The following C6 variants were observed in gnomAD, a reference collection of about 807,000 sequenced individuals.
The protein encoded by C6 is complement C6.
Under a neutral mutation model 112.9 loss-of-function variants are expected in C6, and 101 were observed. That is an observed-to-expected ratio of 0.89 (90% CI 0.76 to 1.06). The LOEUF (loss-of-function observed/expected upper bound fraction) is 1.06, where lower values mean the gene tolerates loss of function less well. Among genes scored for constraint, C6 ranks in the 50% least tolerant of loss-of-function variants. The probability of loss-of-function intolerance (pLI) is 0.00; values close to 1 mark genes in which losing one functional copy is unlikely to be tolerated. For synonymous variants in C6, 431 were observed against 384.1 expected, an observed-to-expected ratio of 1.12 and a Z score of -1.43; for missense variants, 1,202 against 1,104.6, an observed-to-expected ratio of 1.09 and a Z score of -1.25.
chr5:41,147,516 TG>T (rs1465345742), intron 17 of C6, among the ~76,000 whole-genome samples: 1 of 152,120 alleles, frequency 6.6e-6, no homozygotes, highest in East Asian at 1.9e-4. Flanking sequence ...GGAAAAGAAC[TG>T]GTTTTGAGTA....
intron 17 of C6, among the ~76,000 whole-genome samples, chr5:41,145,041 A>C (rs896874826): frequency 2.6e-4 from 40 of 152,328 alleles, no homozygotes; most frequent in African/African-American, 9.1e-4. Context: ...TGCTACAATA[A>C]AATACCTGTG....
At chr5:41,200,181 G>A (rs1422841999) in intron 3 of C6, among the ~76,000 whole-genome samples, 2 of 152,072 alleles carry the variant, frequency 1.3e-5, no homozygotes, top group African/African-American at 2.4e-5. Flanking sequence ...TGGTTTATAC[G>A]TTTTCAAAAT....
chr5:41,221,229 G>A (rs1739147701), intron 1 of C6, among the ~76,000 whole-genome samples: 1 of 151,852 alleles, frequency 6.6e-6, no homozygotes, highest in South Asian at 2.1e-4. Flanking sequence ...CTGAGCCCAG[G>A]CCTTTATGCT....
At position 41,191,170 on chromosome 5, in the gene C6, G is replaced by A. The variant is rs1038427359; in HGVS notation, c.587+4622C>T. 1.4e-4 allele frequency among the ~76,000 whole-genome samples: 19 copies of A among 139,808 alleles called. No individual in the cohort carries two copies. The Admixed American group carries it at 1.5e-3, about 11-fold the overall frequency. The allele number at this position is 139,808 out of a possible 152,430, so 91.7% of individuals were successfully genotyped here. On this transcript the variant is annotated intron_variant, in intron 5 of 17. Transcript: ENST00000337836. ...CAACCTCCACCTCCCGGGTTCAAGC[G>A]ATTCTCTTGCCTCAGCCTCCCAAGT...
rs368195440 is a variant in C6, at chr5:41,161,850, A to G, written c.1301T>C (p.Ile434Thr). Residue 434 changes from isoleucine (I) to threonine (T), a missense_variant, in exon 10 of 18, where the codon ATA becomes ACA. Physicochemically the swap from Ile to Thr is moderately conservative, Grantham distance 89. Transcript: ENST00000337836. Reference sequence around the variant, plus strand: ...GGATATGGATTTCTCTGCTCCCTGTATAAATGAACCTGCAAGGTGTTTCAA... The same window carrying G: ...GGATATGGATTTCTCTGCTCCCTGTGTAAATGAACCTGCAAGGTGTTTCAA... ...KLSEKHEGSF[I>T]QGAEKSISLI... The G allele has an allele frequency of 6.8e-6, 11 of 1,613,482 alleles. No homozygotes were observed. The highest frequency in any genetic ancestry group is 2.2e-5 in the East Asian group (1 of 44,824).
At chr5:41,162,657 C>A (rs1159160967) in intron 9 of C6, among the ~76,000 whole-genome samples, 1 of 152,058 alleles carries the variant, frequency 6.6e-6, no homozygotes, top group Non-Finnish European at 1.5e-5. Flanking sequence ...GTGATATGAG[C>A]GATAGTTAGT....
intron 13 of C6, among the ~76,000 whole-genome samples, chr5:41,155,533 A>G (rs941956772): frequency 6.6e-6 from 1 of 152,090 alleles, no homozygotes; most frequent in African/African-American, 2.4e-5. Flanking sequence ...ACAAAAATAC[A>G]AAAAAGTAGC....
intron 1 of C6, among the ~76,000 whole-genome samples, chr5:41,236,490 G>T (rs1027930208): frequency 6.8e-6 from 1 of 146,042 alleles, no homozygotes; most frequent in Admixed American, 6.9e-5. Context: ...GGTACATAAC[G>T]AAATGAAGGC....
chr5:41,182,295 C>A (rs1389177278), intron 6 of C6, among the ~76,000 whole-genome samples: 2 of 150,698 alleles, frequency 1.3e-5, no homozygotes, highest in Non-Finnish European at 3.0e-5. Flanking sequence ...CATCATCACA[C>A]CAGTCAGGAT....
chr5:41,239,097 CT>C (rs1251420141), intron 1 of C6, among the ~76,000 whole-genome samples: 5 of 139,514 alleles, frequency 3.6e-5, no homozygotes, highest in African/African-American at 1.3e-4. Flanking sequence ...TTTATAATTT[CT>C]TTTCTTTTCT....
intron 5 of C6, among the ~76,000 whole-genome samples, chr5:41,190,608 A>G (rs1750120545): frequency 6.6e-6 from 1 of 152,156 alleles, no homozygotes; most frequent in Non-Finnish European, 1.5e-5. Context: ...AAAGCTTTTT[A>G]GTTTGATATA....
chr5:41,170,769 A>G (rs1237495926), intron 9 of C6, among the ~76,000 whole-genome samples: 2 of 152,068 alleles, frequency 1.3e-5, no homozygotes, highest in African/African-American at 4.8e-5. Context: ...GGTAAGCTTC[A>G]AATTTGGGAA....
chr5:41,200,437 T>C (rs1018451095), intron 3 of C6, among the ~76,000 whole-genome samples: 3 of 152,176 alleles, frequency 2.0e-5, no homozygotes, highest in African/African-American at 7.2e-5. Context: ...GACTAAAAAG[T>C]ACTGACTTTG....
upstream of C6, among the ~76,000 whole-genome samples, chr5:41,215,247 T>C (rs2150399149): frequency 6.6e-6 from 1 of 152,280 alleles, no homozygotes; most frequent in African/African-American, 2.4e-5. Flanking sequence ...CTCTCCAGCC[T>C]GAAAAGCCTA....
intron 10 of C6, 82 bp downstream of exon 10, chr5:41,161,610 TG>T (rs1306780771): frequency 1.8e-6 from 2 of 1,107,010 alleles, no homozygotes; most frequent in African/African-American, 3.1e-5. Flanking sequence ...GAGAAGAAAA[TG>T]GAAAATAAAT....
intron 5 of C6, among the ~76,000 whole-genome samples, chr5:41,192,722 T>A (rs1580157967): frequency 6.6e-6 from 1 of 152,248 alleles, no homozygotes; most frequent in East Asian, 1.9e-4. Context: ...ATTGTGAGTA[T>A]TGGGATGAAT....
chr5:41,212,507 A>G (rs1287600660), intron 1 of C6, among the ~76,000 whole-genome samples: 4 of 152,180 alleles, frequency 2.6e-5, no homozygotes, highest in South Asian at 2.1e-4. Context: ...TTTTTTTGTT[A>G]TGATGGCCTA....
chr5:41,244,618 C>T (rs1183433742), intron 1 of C6, among the ~76,000 whole-genome samples: 1 of 152,170 alleles, frequency 6.6e-6, no homozygotes, highest in South Asian at 2.1e-4. Flanking sequence ...GTGTCTATGA[C>T]CCTCCAGAAC....
At chr5:41,261,183 A>G (rs1742031766) in intron 1 of C6, 1 of 985,746 alleles carries the variant, frequency 1.0e-6, no homozygotes, top group South Asian at 4.7e-5. Context: ...AGAAAAAAGT[A>G]GAAAACTTAC....
Sources: allele counts gnomAD v4.1 joint callset (sites outside exome capture counted in the v4.1 genomes callset), GRCh38; gene constraint gnomAD v4.1.1; transcripts MANE v1.5; gene names NCBI Gene and HGNC (gene_info 2026-07-23, HGNC 2026-07-21).